The following TRIM24 variants were observed in gnomAD, a reference collection of about 807,000 sequenced individuals.
TRIM24 encodes tripartite motif containing 24, also known as transcription intermediary factor 1-alpha.
In TRIM24, 29 loss-of-function variants were observed where a neutral mutation model predicts 123.9. That is an observed-to-expected ratio of 0.23 (90% CI 0.17 to 0.32). The LOEUF is 0.32. TRIM24 is among the 10% of genes least tolerant of loss of function. The probability of loss-of-function intolerance (pLI) is 1.00; values close to 1 mark genes in which losing one functional copy is unlikely to be tolerated. For missense variants in TRIM24, 932 were observed against 1,295.3 expected (o/e 0.72, Z 4.31); for synonymous variants, 456 against 461.1 (o/e 0.99, Z 0.14).
Position 138,538,667 on chromosome 7 carries a change from A to G in TRIM24, c.1007A>G (p.Lys336Arg). ...TTTTCTTGTTTTCAGAGCCTTGCAA[A>G]GGACCATCGCATGAAACTTATGCAA... ...ALLHQLESLA[K>R]DHRMKLMQQQ... Residue 336 changes from lysine (K) to arginine (R), a missense_variant, in exon 7 of 19, where the codon AAG becomes AGG. Physicochemically the swap from Lys to Arg is conservative, Grantham distance 26. This residue lies in a region of TRIM24 where 527 missense variants were observed against 691.3 expected (regional missense o/e 0.76). Transcript: ENST00000343526. The G allele has an allele frequency of 6.2e-7, 1 of 1,614,064 alleles. No individual in the cohort carries two copies. Among genetic ancestry groups the G allele is most frequent in the Non-Finnish European group, 8.5e-7 (1 of 1,179,956 alleles).
chr7:138,471,742 T>C (rs1182106968), intron 1 of TRIM24, among the ~76,000 whole-genome samples: 2 of 152,076 alleles, frequency 1.3e-5, no homozygotes, highest in Non-Finnish European at 2.9e-5. Context: ...GGTTTCGCCA[T>C]GTTGGCCAGG....
At chr7:138,535,580 G>A (rs1173792050) in intron 6 of TRIM24, among the ~76,000 whole-genome samples, 1 of 152,218 alleles carries the variant, frequency 6.6e-6, no homozygotes, top group Non-Finnish European at 1.5e-5. Context: ...TCTGCCGAGA[G>A]ATCCACTGTT....
chr7:138,499,610 G>T (rs1795989155), intron 1 of TRIM24, among the ~76,000 whole-genome samples: 2 of 152,134 alleles, frequency 1.3e-5, no homozygotes, highest in African/African-American at 4.8e-5. Context: ...CCTGTCTGAG[G>T]GTGGAGGGAA....
chr7:138,585,482 G>C lies in TRIM24; in HGVS notation c.*531G>C, dbSNP rs184892560. ...GGTGGTAACAAGAGTTCCATCCCAG[G>C]AGGCCAAACGGTGCAACAGAAGGGT... On this transcript the variant is annotated 3_prime_UTR_variant, in exon 19 of 19. Transcript: ENST00000343526. The C allele has an allele frequency of 3.3e-6, 1 of 301,250 alleles. No homozygotes were observed. The highest frequency in any genetic ancestry group is 5.0e-5 in the Admixed American group (1 of 19,936). 18.7% of individuals were successfully genotyped at this position (301,250 alleles called of 1,614,324 possible).
At chr7:138,483,105 G>T (rs529601275) in intron 1 of TRIM24, among the ~76,000 whole-genome samples, 54 of 140,530 alleles carry the variant, frequency 3.8e-4, no homozygotes, top group Non-Finnish European at 6.6e-4. Flanking sequence ...TTTTTGTAGC[G>T]GGGGGGGTCT....
At chr7:138,533,230 G>A (rs966802666) in intron 6 of TRIM24, among the ~76,000 whole-genome samples, 1 of 152,114 alleles carries the variant, frequency 6.6e-6, no homozygotes, top group Non-Finnish European at 1.5e-5. Context: ...GATTGCCCTG[G>A]CCAGAACTTC....
At chr7:138,489,748 A>G (rs181803389) in intron 1 of TRIM24, among the ~76,000 whole-genome samples, 465 of 152,160 alleles carry the variant, frequency 3.1e-3, no homozygotes, top group African/African-American at 0.01. Context: ...CTTTGTGGGT[A>G]GGTAACCTGA....
chr7:138,488,866 G>C (rs1426223340), intron 1 of TRIM24, among the ~76,000 whole-genome samples: 1 of 152,152 alleles, frequency 6.6e-6, no homozygotes, highest in Non-Finnish European at 1.5e-5. Flanking sequence ...TCTTAGGTCT[G>C]CTTGGTGCAA....
At chr7:138,503,568 G>C (rs1796086576) in intron 1 of TRIM24, among the ~76,000 whole-genome samples, 1 of 150,338 alleles carries the variant, frequency 6.7e-6, no homozygotes, top group South Asian at 2.1e-4. Flanking sequence ...AATATATCTG[G>C]GAACCTTATT....
chr7:138,543,023 G>T (rs1797033699), intron 7 of TRIM24, among the ~76,000 whole-genome samples: 2 of 152,094 alleles, frequency 1.3e-5, no homozygotes, highest in Non-Finnish European at 2.9e-5. Flanking sequence ...ATAGAGAATT[G>T]TGTTTTTCAA....
At chr7:138,511,131 C>T (rs1470380097) in intron 2 of TRIM24, among the ~76,000 whole-genome samples, 8 of 152,094 alleles carry the variant, frequency 5.3e-5, no homozygotes, top group East Asian at 1.9e-4. Flanking sequence ...AATTGGCTCA[C>T]GGTTTCACTG....
intron 1 of TRIM24, among the ~76,000 whole-genome samples, chr7:138,466,211 T>C (rs1306101664): frequency 6.6e-6 from 1 of 152,148 alleles, no homozygotes; most frequent in East Asian, 1.9e-4. Context: ...GCCAGGCTGG[T>C]CTTGAACTCT....
chr7:138,579,560 C>A lies in TRIM24; in HGVS notation c.2585+28C>A, dbSNP rs781720062. 8 of 1,511,242 alleles carry A rather than the reference C, an allele frequency of 5.3e-6. No homozygotes were observed. In the East Asian group the frequency reaches 1.4e-4, roughly 26 times the overall value. 93.6% of individuals were successfully genotyped at this position (1,511,242 alleles called of 1,614,324 possible). A position where few individuals can be genotyped will look rare whatever the true frequency, so the allele number is the denominator to read the frequency against. ...AAGATAGTACTTCCCTTCCCACATT[C>A]TTTTACTGTAAACTTTTGAAGATTA... On this transcript the variant is annotated intron_variant, in intron 15 of 18. Transcript: ENST00000343526.
At chr7:138,562,774 G>C (rs1271979673) in intron 9 of TRIM24, among the ~76,000 whole-genome samples, 7 of 152,132 alleles carry the variant, frequency 4.6e-5, no homozygotes, top group Non-Finnish European at 1.0e-4. Context: ...AGACAGTTCT[G>C]GTGGCTTTTT....
At chr7:138,543,933 C>T (rs1168941634) in intron 7 of TRIM24, among the ~76,000 whole-genome samples, 1 of 152,080 alleles carries the variant, frequency 6.6e-6, no homozygotes, top group Non-Finnish European at 1.5e-5. Context: ...CTTGTAGGCT[C>T]AAGCGAGCCT....
At chr7:138,546,085 A>C (rs1190677912) in intron 7 of TRIM24, among the ~76,000 whole-genome samples, 2 of 152,186 alleles carry the variant, frequency 1.3e-5, no homozygotes, top group African/African-American at 4.8e-5. Context: ...CTGATGGGGA[A>C]CAGAGTATTA....
intron 17 of TRIM24, among the ~76,000 whole-genome samples, chr7:138,582,313 C>T (rs1481653406): frequency 1.3e-5 from 2 of 152,036 alleles, no homozygotes; most frequent in Non-Finnish European, 2.9e-5. Flanking sequence ...GAGGCCGAGG[C>T]GGGCGGATCA....
At chr7:138,467,314 G>A (rs564595679) in intron 1 of TRIM24, among the ~76,000 whole-genome samples, 1 of 150,836 alleles carries the variant, frequency 6.6e-6, no homozygotes, top group Non-Finnish European at 1.5e-5. Context: ...TATCAATTTG[G>A]GTAAGGGGGA....
intron 1 of TRIM24, among the ~76,000 whole-genome samples, chr7:138,468,336 T>C (rs1795196796): frequency 6.6e-6 from 1 of 152,216 alleles, no homozygotes; most frequent in Non-Finnish European, 1.5e-5. Flanking sequence ...ATTCTTGAGA[T>C]ATACCTCACT....
Sources: allele counts gnomAD v4.1 joint callset (sites outside exome capture counted in the v4.1 genomes callset), GRCh38; gene constraint gnomAD v4.1.1; regional missense constraint gnomAD v4.1.1; transcripts MANE v1.5; gene names NCBI Gene and HGNC (gene_info 2026-07-23, HGNC 2026-07-21).